Variants in NUTM2D observed in about 807,000 individuals in gnomAD.
The protein encoded by NUTM2D is NUT family member 2D.
Under a neutral mutation model 43.5 loss-of-function variants are expected in NUTM2D, and 2 were observed. The ratio of observed to expected loss-of-function variants is 0.05; its 90% confidence interval spans 0.02 to 0.14. The LOEUF (loss-of-function observed/expected upper bound fraction) is 0.14, where lower values mean the gene tolerates loss of function less well. Ranked by LOEUF, NUTM2D falls within the 10% of genes least tolerant of loss-of-function variation. The pLI is 1.00. For missense variants in NUTM2D, 48 were observed against 668.7 expected, an observed-to-expected ratio of 0.07 and a Z score of 10.24; for synonymous variants, 24 against 276.6, an observed-to-expected ratio of 0.09 and a Z score of 9.06.
downstream of NUTM2D, chr10:87,367,276 C>A (rs928421257): frequency 3.8e-6 from 6 of 1,588,286 alleles, no homozygotes; most frequent in African/African-American, 8.2e-5. Flanking sequence ...GAGGAACTGG[C>A]AGATGCCAGG....
chr10:87,358,825 C>T (rs1296652132), intron 1 of NUTM2D, among the ~76,000 whole-genome samples: 1 of 12,150 alleles, frequency 8.2e-5, no homozygotes, highest in African/African-American at 4.0e-4. Flanking sequence ...CTGGAAGGTG[C>T]CCTTCCATAG....
chr10:87,367,326 T>C (rs372535729), downstream of NUTM2D: 14 of 1,609,540 alleles, frequency 8.7e-6, no homozygotes, highest in Admixed American at 5.0e-5. Flanking sequence ...TCTTTCCTCC[T>C]GACGTAGGGA....
chr10:87,369,640 G>A (rs1850335700), downstream of NUTM2D: 2 of 152,080 alleles, frequency 1.3e-5, no homozygotes, highest in African/African-American at 4.8e-5. Context: ...TGAACCAGGA[G>A]AGCCTGGGAC....
intron 1 of NUTM2D, among the ~76,000 whole-genome samples, chr10:87,359,815 C>T (rs1233759221): frequency 3.3e-5 from 5 of 151,492 alleles, no homozygotes; most frequent in African/African-American, 7.3e-5. Flanking sequence ...TCGAGTACTG[C>T]GGAAAGGGTG....
downstream of NUTM2D, chr10:87,367,807 A>G (rs1277359795): frequency 6.6e-6 from 1 of 150,616 alleles, no homozygotes; most frequent in African/African-American, 3.2e-5. Context: ...CACAGCTATG[A>G]TTCCCTTCCC....
At chr10:87,367,315 C>T (rs1314244886), downstream of NUTM2D, 4 of 1,609,678 alleles carry the variant, frequency 2.5e-6, no homozygotes, top group Non-Finnish European at 3.4e-6. Context: ...GCCGGCCCCA[C>T]TCTTTCCTCC....
chr10:87,359,867 C>T (rs1850247693), intron 1 of NUTM2D, among the ~76,000 whole-genome samples: 1 of 152,244 alleles, frequency 6.6e-6, no homozygotes, highest in Non-Finnish European at 1.5e-5. Context: ...GTGGGTGGTG[C>T]CAGGACAATC....
downstream of NUTM2D, chr10:87,369,697 A>G (rs1850336270): frequency 6.6e-6 from 1 of 151,088 alleles, no homozygotes; most frequent in South Asian, 2.1e-4. Flanking sequence ...TCGCATCCAC[A>G]CTTGGGGAAG....
At chr10:87,369,303 C>T (rs1276397403), downstream of NUTM2D, 1 of 151,976 alleles carries the variant, frequency 6.6e-6, no homozygotes, top group Admixed American at 6.6e-5. Context: ...AGCTCTCTCT[C>T]TCCCTGACAC....
At chr10:87,360,107 C>T (rs1850250399) in intron 1 of NUTM2D, among the ~76,000 whole-genome samples, 2 of 115,586 alleles carry the variant, frequency 1.7e-5, no homozygotes, top group African/African-American at 7.4e-5. Flanking sequence ...CTGGGGTAGG[C>T]CCCTCACCTG....
At chr10:87,369,558 G>A (rs1850334955), downstream of NUTM2D, 1 of 152,122 alleles carries the variant, frequency 6.6e-6, no homozygotes, top group African/African-American at 2.4e-5. Flanking sequence ...GTGCATCAGA[G>A]CCACGGGAAA....
chr10:87,365,242 G>A (rs1372614129), intron 5 of NUTM2D, 39 bp downstream of exon 5: 18 of 1,490,366 alleles, frequency 1.2e-5, no homozygotes, highest in Non-Finnish European at 1.4e-5. Flanking sequence ...CTGGATTCCA[G>A]GGGGTGGCAC....
chr10:87,367,325 C>T (rs1272203875), downstream of NUTM2D: 1 of 1,609,606 alleles, frequency 6.2e-7, no homozygotes, highest in Non-Finnish European at 8.5e-7. Context: ...CTCTTTCCTC[C>T]TGACGTAGGG....
chr10:87,369,370 C>T (rs1261918167), downstream of NUTM2D: 3 of 151,908 alleles, frequency 2.0e-5, no homozygotes, highest in Non-Finnish European at 4.4e-5. Context: ...CTCACCAGAA[C>T]CTTGCCCACT....
chr10:87,365,344 T>G, intron 5 of NUTM2D, 141 bp downstream of exon 5: 5 of 1,508,816 alleles, frequency 3.3e-6, no homozygotes, highest in Non-Finnish European at 4.5e-6. Context: ...TGATTGTGTG[T>G]GTCTGTGTGT....
At chr10:87,367,534 C>G, downstream of NUTM2D, 1 of 608,592 alleles carries the variant, frequency 1.6e-6, no homozygotes, top group Admixed American at 2.9e-5. Context: ...AGAAGGCAGC[C>G]GCCTGCAACA....
chr10:87,369,577 C>T (rs1425498635), downstream of NUTM2D: 2 of 152,206 alleles, frequency 1.3e-5, no homozygotes, highest in Non-Finnish European at 2.9e-5. Context: ...AAGAAAGGCT[C>T]AGCCCTTTAC....
chr10:87,361,345 C>G lies in NUTM2D; in HGVS notation c.866+165C>G, dbSNP rs1362785810. Among the ~76,000 whole-genome samples the G allele has an allele frequency of 7.5e-5, 4 of 53,148 alleles. 2 individuals carry two copies. The highest frequency in any genetic ancestry group is 2.3e-4 in the African/African-American group (4 of 17,052). The allele number at this position is 53,148 out of a possible 152,430, so 34.9% of individuals were successfully genotyped here. A position where few individuals can be genotyped will look rare whatever the true frequency, so the allele number is the denominator to read the frequency against. On this transcript the variant is annotated intron_variant, in intron 2 of 6. Transcript: ENST00000381697. ...TTCAACAATATTAATCTGGCTGCGG[C>G]TCAGGACAGACTGTCAGGGGCCTCA...
downstream of NUTM2D, chr10:87,369,883 G>A (rs1850338447): frequency 6.6e-6 from 1 of 152,056 alleles, no homozygotes; most frequent in Non-Finnish European, 1.5e-5. Context: ...CCCCGAAGAA[G>A]CCATAGCCTC....
Sources: allele counts gnomAD v4.1 joint callset (sites outside exome capture counted in the v4.1 genomes callset), GRCh38; gene constraint gnomAD v4.1.1; transcripts MANE v1.5; gene names NCBI Gene and HGNC (gene_info 2026-07-23, HGNC 2026-07-21).